GALNT13: variants seen among roughly 807,000 people sequenced by gnomAD.
GALNT13 encodes UDP-GalNAc:polypeptide N-acetylgalactosaminyltransferase 13.
Under a neutral mutation model 64.2 loss-of-function variants are expected in GALNT13, and 28 were observed. The ratio of observed to expected loss-of-function variants is 0.44; its 90% CI spans 0.32 to 0.60. The LOEUF (loss-of-function observed/expected upper bound fraction) is 0.60, where lower values mean the gene tolerates loss of function less well. Ranked by LOEUF, GALNT13 falls within the 20% of genes least tolerant of loss-of-function variation. The pLI, the probability that GALNT13 is intolerant of heterozygous loss-of-function variation, is 0.05. For missense variants in GALNT13, 577 were observed against 669.8 expected (o/e 0.86, Z 1.53); for synonymous variants, 214 against 224.6 (o/e 0.95, Z 0.42).
Position 154,409,523 on chromosome 2 carries a change from C to G in GALNT13, c.1395+441C>G, listed in dbSNP as rs186056319. Among the ~76,000 whole-genome samples, 383 of 151,952 alleles carry G rather than the reference C, an allele frequency of 2.5e-3. 2 individuals are homozygous for G. Among genetic ancestry groups the G allele is most frequent in the African/African-American group, 8.1e-3 (338 of 41,496 alleles). ...TAATAAAATGTTTAAGTATATAGTT[C>G]AGTGTTGAAAGCTGACTAAAAGTCT... On this transcript the variant is annotated intron_variant, in intron 11 of 12. Coordinates refer to ENST00000392825, the MANE Select transcript of GALNT13 (RefSeq NM_052917.4).
At chr2:154,025,370 C>G (rs968880049) in intron 3 of GALNT13, among the ~76,000 whole-genome samples, 12 of 152,220 alleles carry the variant, frequency 7.9e-5, no homozygotes, top group African/African-American at 2.9e-4. Flanking sequence ...ATCTCACCAT[C>G]TGGAAGTAGC....
At chr2:153,483,410 CTTTTTTTTTTTTT>C in the GALNT13 span, among the ~76,000 whole-genome samples, 4 of 71,792 alleles carry the variant, frequency 5.6e-5, no homozygotes, top group Admixed American at 7.0e-4. Flanking sequence ...GAATAAAATT[CTTTTTTTTTTTTT>C]TTTTTTTTTT....
chr2:153,740,852 T>C, the GALNT13 span, among the ~76,000 whole-genome samples: 2 of 152,152 alleles, frequency 1.3e-5, no homozygotes, highest in Admixed American at 1.3e-4. Flanking sequence ...TTTATGCATA[T>C]CATTTGGGGC....
the GALNT13 span, among the ~76,000 whole-genome samples, chr2:153,728,595 A>G: frequency 6.6e-6 from 1 of 151,000 alleles, no homozygotes; most frequent in African/African-American, 2.5e-5. Context: ...CTAGAGAAAC[A>G]AGAGAAAACA....
intron 11 of GALNT13, chr2:154,437,852 TAAA>T (rs10714112): frequency 6.5e-3 from 758 of 116,576 alleles, no homozygotes; most frequent in South Asian, 0.038. Context: ...AGACTCCATC[TAAA>T]AAAAAAAAAA....
Position 154,058,933 on chromosome 2 carries a change from A to T in GALNT13, c.143-81404A>T, listed in dbSNP as rs545765791. The stretch of plus-strand genomic sequence containing the variant: ...ATGTTAGGAGGGGCCAGACAAAAGC[A>T]ATAATACCAATTAAAAGGCTATTAT... On this transcript the variant is annotated intron_variant, in intron 3 of 12. Coordinates refer to ENST00000392825, the MANE Select transcript of GALNT13 (RefSeq NM_052917.4). 1.8e-4 allele frequency among the ~76,000 whole-genome samples: 28 copies of T among 152,320 alleles called. No homozygotes were observed. The East Asian group carries it at 4.4e-3, about 24-fold the overall frequency.
At chr2:153,138,960 A>G in the GALNT13 span, among the ~76,000 whole-genome samples, 1 of 152,012 alleles carries the variant, frequency 6.6e-6, no homozygotes, top group Admixed American at 6.6e-5. Flanking sequence ...TCCTGGAAAT[A>G]TTTGAGGATA....
chr2:154,343,100 A>G (rs1695865636), intron 9 of GALNT13, among the ~76,000 whole-genome samples: 1 of 151,920 alleles, frequency 6.6e-6, no homozygotes, highest in Admixed American at 6.6e-5. Flanking sequence ...TACATCTGGG[A>G]TCTCTTTTAC....
At chr2:153,925,648 A>C (rs1483422749) in intron 2 of GALNT13, among the ~76,000 whole-genome samples, 1 of 152,140 alleles carries the variant, frequency 6.6e-6, no homozygotes, top group Non-Finnish European at 1.5e-5. Context: ...TGCTTTAGGC[A>C]GGATGACCAT....
At chr2:154,361,951 G>T (rs1043120684) in intron 9 of GALNT13, among the ~76,000 whole-genome samples, 1 of 151,954 alleles carries the variant, frequency 6.6e-6, no homozygotes, top group Admixed American at 6.6e-5. Context: ...AAGATAACTG[G>T]CCCTTGACTG....
At chr2:153,227,224 T>C in the GALNT13 span, among the ~76,000 whole-genome samples, 1 of 152,174 alleles carries the variant, frequency 6.6e-6, no homozygotes, top group Non-Finnish European at 1.5e-5. Flanking sequence ...CTCCAATCTG[T>C]CATAGCATTG....
the GALNT13 span, among the ~76,000 whole-genome samples, chr2:153,765,237 A>C: frequency 6.6e-6 from 1 of 152,166 alleles, no homozygotes; most frequent in South Asian, 2.1e-4. Flanking sequence ...AAAGCTGCAG[A>C]CAACGCCAGC....
At chr2:153,259,493 C>A in the GALNT13 span, among the ~76,000 whole-genome samples, 5 of 152,072 alleles carry the variant, frequency 3.3e-5, no homozygotes, top group African/African-American at 1.2e-4. Flanking sequence ...CCACCGAAAT[C>A]TCATTTTAAA....
At chr2:153,308,094 G>A in the GALNT13 span, among the ~76,000 whole-genome samples, 1 of 152,110 alleles carries the variant, frequency 6.6e-6, no homozygotes, top group African/African-American at 2.4e-5. Flanking sequence ...TGATGAAACT[G>A]ATGAAAACCT....
the GALNT13 span, among the ~76,000 whole-genome samples, chr2:153,088,958 C>A: frequency 2.0e-5 from 3 of 152,062 alleles, no homozygotes; most frequent in Non-Finnish European, 2.9e-5. Flanking sequence ...AGCATTTAGG[C>A]CATTTACATT....
Position 154,189,402 on chromosome 2 carries a change from A to T in GALNT13, c.311+48897A>T, listed in dbSNP as rs114159826. Reference sequence around the variant, plus strand: ...GTTATTAGGGCAGGACCTTGGTCTGATGGGGCTAGTGGCCTTATGAGAAGA... The same window carrying T: ...GTTATTAGGGCAGGACCTTGGTCTGTTGGGGCTAGTGGCCTTATGAGAAGA... On this transcript the variant is annotated intron_variant, in intron 4 of 12. Coordinates refer to ENST00000392825, the MANE Select transcript of GALNT13 (RefSeq NM_052917.4). Among the ~76,000 whole-genome samples the T allele has an allele frequency of 5.0e-3, 721 of 143,474 alleles. 9 individuals are homozygous for T. Among genetic ancestry groups the T allele is most frequent in the African/African-American group, 0.018 (686 of 39,144 alleles). The allele number at this position is 143,474 out of a possible 152,430, so 94.1% of individuals were successfully genotyped here.
At chr2:153,085,025 G>A in the GALNT13 span, among the ~76,000 whole-genome samples, 1 of 152,192 alleles carries the variant, frequency 6.6e-6, no homozygotes, top group African/African-American at 2.4e-5. Context: ...TTAAGTCCAG[G>A]CTGAGGTGGT....
intron 4 of GALNT13, among the ~76,000 whole-genome samples, chr2:154,216,012 A>C (rs899530637): frequency 7.3e-5 from 11 of 151,038 alleles, no homozygotes; most frequent in African/African-American, 2.7e-4. Flanking sequence ...ATATAAAACA[A>C]ATTAAATAAT....
chr2:153,073,104 T>C, the GALNT13 span, among the ~76,000 whole-genome samples: 1 of 152,100 alleles, frequency 6.6e-6, no homozygotes, highest in Non-Finnish European at 1.5e-5. Context: ...AGATCATAAG[T>C]AGGTTACGCG....
Sources: gnomAD v4.1 joint callset for allele counts (sites outside exome capture counted in the v4.1 genomes callset) on GRCh38, gnomAD v4.1.1 for gene constraint, MANE v1.5 for transcripts, NCBI Gene and HGNC (gene_info 2026-07-23, HGNC 2026-07-21) for gene names.